ERC1: variants seen among roughly 807,000 people sequenced by gnomAD.
ERC1 encodes the protein RAB6 interacting protein 2.
ERC1 carries 56 observed loss-of-function variants against 132.0 expected under a neutral mutation model. The ratio of observed to expected loss-of-function variants is 0.42; its 90% CI spans 0.34 to 0.53. The LOEUF (loss-of-function observed/expected upper bound fraction) is 0.53, where lower values mean the gene tolerates loss of function less well. Ranked by LOEUF, ERC1 falls within the 20% of genes least tolerant of loss-of-function variation. The pLI, the probability that ERC1 is intolerant of heterozygous loss-of-function variation, is 0.03. For synonymous variants in ERC1, 478 were observed against 476.1 expected, an observed-to-expected ratio of 1.00 and a Z score of -0.05; for missense variants, 1,202 against 1,349.9, an observed-to-expected ratio of 0.89 and a Z score of 1.72.
intron 12 of ERC1, among the ~76,000 whole-genome samples, chr12:1,196,312 A>G (rs1956224986): frequency 6.6e-6 from 1 of 152,118 alleles, no homozygotes; most frequent in Admixed American, 6.5e-5. Flanking sequence ...TGAGAGGAAT[A>G]CATATAGCAG....
At chr12:1,013,202 C>T (rs946446582) in intron 1 of ERC1, among the ~76,000 whole-genome samples, 8 of 152,082 alleles carry the variant, frequency 5.3e-5, no homozygotes, top group South Asian at 4.1e-4. Context: ...GCACTAGAGT[C>T]GTTGGGGAAG....
At chr12:1,026,433 C>A (rs1966898942) in intron 1 of ERC1, among the ~76,000 whole-genome samples, 1 of 152,122 alleles carries the variant, frequency 6.6e-6, no homozygotes. Flanking sequence ...ATATTAAATT[C>A]CCATATATAA....
intron 17 of ERC1, among the ~76,000 whole-genome samples, chr12:1,428,868 A>G (rs182589679): frequency 2.0e-5 from 3 of 152,328 alleles, no homozygotes; most frequent in African/African-American, 7.2e-5. Flanking sequence ...TCCTGATCCT[A>G]GGATGATGAG....
chr12:1,333,645 G>T (rs2154359023), intron 15 of ERC1, among the ~76,000 whole-genome samples: 1 of 152,164 alleles, frequency 6.6e-6, no homozygotes, highest in South Asian at 2.1e-4. Context: ...ATTTTCTTTA[G>T]TCTATCATTG....
intron 16 of ERC1, among the ~76,000 whole-genome samples, chr12:1,398,354 T>C (rs1053846177): frequency 6.6e-6 from 1 of 152,186 alleles, no homozygotes; most frequent in Non-Finnish European, 1.5e-5. Context: ...TTTAAAAGCA[T>C]TATATTGTTA....
At chr12:1,357,289 A>G (rs993001560) in intron 15 of ERC1, among the ~76,000 whole-genome samples, 7 of 152,322 alleles carry the variant, frequency 4.6e-5, no homozygotes, top group African/African-American at 1.7e-4. Flanking sequence ...CGTCATGACA[A>G]ACAGACGTGG....
intron 7 of ERC1, among the ~76,000 whole-genome samples, chr12:1,118,916 G>A (rs7312779): frequency 0.27 from 40,483 of 152,124 alleles, 5,750 homozygotes; most frequent in African/African-American, 0.36. Context: ...TGTCACCCAA[G>A]CTGGAGTGCA....
intron 15 of ERC1, among the ~76,000 whole-genome samples, chr12:1,328,802 T>A (rs1268824901): frequency 6.6e-6 from 1 of 152,086 alleles, no homozygotes; most frequent in Non-Finnish European, 1.5e-5. Flanking sequence ...AAAATATCTG[T>A]GTACATGTTT....
chr12:1,181,804 T>C, intron 9 of ERC1, 121 bp from the exon 10 acceptor site: 1 of 1,071,000 alleles, frequency 9.3e-7, no homozygotes, highest in Non-Finnish European at 1.3e-6. Flanking sequence ...AAAAAGTGGA[T>C]TCTTTAAAAA....
chr12:1,002,261 C>T (rs1962525879), intron 1 of ERC1, among the ~76,000 whole-genome samples: 2 of 134,418 alleles, frequency 1.5e-5, no homozygotes, highest in African/African-American at 2.8e-5. Flanking sequence ...GCAGCCTTGA[C>T]CTTCTGGGCT....
In ERC1 at chr12:1,349,859, A is replaced by G. The variant is rs1051271282; in HGVS notation, c.2781-21974A>G. ...ACTTCCAGCTTTCCTAAACAAGAGT[A>G]TGGCACTCTTGCCAGTGTTGGTTTA... On this transcript the variant is annotated intron_variant, in intron 15 of 18. Coordinates refer to ENST00000360905, the MANE Select transcript of ERC1 (RefSeq NM_178040.4). Among the ~76,000 whole-genome samples the G allele has an allele frequency of 1.2e-4, 19 of 152,286 alleles. No homozygotes were observed. In the South Asian group the frequency reaches 3.7e-3, roughly 30 times the overall value.
intron 8 of ERC1, among the ~76,000 whole-genome samples, chr12:1,153,750 A>T (rs1376265455): frequency 6.6e-6 from 1 of 152,192 alleles, no homozygotes; most frequent in South Asian, 2.1e-4. Flanking sequence ...TGCGTGTGGA[A>T]TGCTGGGCTT....
intron 8 of ERC1, among the ~76,000 whole-genome samples, chr12:1,165,790 A>AT (rs34988185): frequency 1.3e-5 from 2 of 151,984 alleles, no homozygotes; most frequent in South Asian, 2.1e-4. Context: ...TTTGGATGGA[A>AT]TTTTTTTTCC....
intron 15 of ERC1, among the ~76,000 whole-genome samples, chr12:1,368,622 C>T (rs897078567): frequency 2.0e-5 from 3 of 152,098 alleles, no homozygotes; most frequent in Admixed American, 2.0e-4. Flanking sequence ...TTTCGTATTC[C>T]CTAAAAGTCT....
At chr12:1,457,733 G>GA (rs956700685) in intron 18 of ERC1, among the ~76,000 whole-genome samples, 20 of 148,628 alleles carry the variant, frequency 1.3e-4, no homozygotes, top group African/African-American at 3.2e-4. Flanking sequence ...ATCGAAAAAG[G>GA]AAAAAAAAAA....
intron 12 of ERC1, among the ~76,000 whole-genome samples, chr12:1,233,466 G>A (rs1277418009): frequency 5.7e-5 from 5 of 87,952 alleles, no homozygotes; most frequent in African/African-American, 2.6e-4. Context: ...GTGAGACCCT[G>A]TCTCAAAAAA....
At chr12:1,153,858 A>G (rs1951062506) in intron 8 of ERC1, among the ~76,000 whole-genome samples, 1 of 152,030 alleles carries the variant, frequency 6.6e-6, no homozygotes. Context: ...CCCTTCCTGC[A>G]CTTTTGGGAT....
chr12:1,459,135 A>G (rs1273556417), intron 18 of ERC1, among the ~76,000 whole-genome samples: 1 of 152,242 alleles, frequency 6.6e-6, no homozygotes, highest in African/African-American at 2.4e-5. Context: ...TATTGCCTAA[A>G]TCTTTCCAAA....
intron 2 of ERC1, among the ~76,000 whole-genome samples, chr12:1,031,938 A>G (rs944641647): frequency 1.3e-5 from 2 of 152,136 alleles, no homozygotes; most frequent in Non-Finnish European, 2.9e-5. Context: ...AGCTAAGTAC[A>G]ATCTCTGGAG....
Sources: gnomAD v4.1 joint callset for allele counts (sites outside exome capture counted in the v4.1 genomes callset) on GRCh38, gnomAD v4.1.1 for gene constraint, MANE v1.5 for transcripts, NCBI Gene and HGNC (gene_info 2026-07-23, HGNC 2026-07-21) for gene names.